Variants in STXBP4 observed in about 807,000 individuals in gnomAD.
STXBP4 encodes syntaxin-binding protein 4.
In STXBP4, 55 loss-of-function variants were observed where a neutral mutation model predicts 76.1. The ratio of observed to expected loss-of-function variants is 0.72; its 90% CI spans 0.58 to 0.91. The LOEUF is 0.91. STXBP4 is among the 40% of genes least tolerant of loss of function. STXBP4 has a pLI of 0.00. For missense variants in STXBP4, 618 were observed against 636.9 expected (o/e 0.97, Z 0.32); for synonymous variants, 201 against 220.2 (o/e 0.91, Z 0.77).
intron 13 of STXBP4, among the ~76,000 whole-genome samples, chr17:55,074,658 C>T (rs2079158903): frequency 6.6e-6 from 1 of 152,038 alleles, no homozygotes; most frequent in African/African-American, 2.4e-5. Context: ...TGTAATCTCT[C>T]TTCCAGCTCT....
Position 55,043,341 on chromosome 17 carries a change from GT to G in STXBP4, c.945+19del. On this transcript the variant is annotated intron_variant, in intron 11 of 17. Coordinates refer to ENST00000376352, the MANE Select transcript of STXBP4 (RefSeq NM_178509.6). ...TACACTTAAGGTAACCTCTAATTTA[GT>G]TTCCTTATGTTTTCTTCAGAAAAAA... The G allele has an allele frequency of 1.5e-6, 2 of 1,350,736 alleles. No individual in the cohort carries two copies. The highest frequency in any genetic ancestry group is 2.0e-6 in the Non-Finnish European group (2 of 1,006,924). The allele number at this position is 1,350,736 out of a possible 1,614,324, so 83.7% of individuals were successfully genotyped here.
chr17:54,991,428 C>T (rs2077715142), intron 4 of STXBP4: 1 of 152,100 alleles, frequency 6.6e-6, no homozygotes, highest in South Asian at 2.1e-4. Flanking sequence ...CTCATTAAAA[C>T]CAGAAAATGT....
At chr17:55,131,383 C>T (rs1004227345) in intron 16 of STXBP4, among the ~76,000 whole-genome samples, 1 of 152,198 alleles carries the variant, frequency 6.6e-6, no homozygotes, top group African/African-American at 2.4e-5. Flanking sequence ...AAGTGAATGA[C>T]ATCCCATAGG....
At chr17:55,102,676 G>T (rs2079581522) in intron 16 of STXBP4, among the ~76,000 whole-genome samples, 1 of 152,028 alleles carries the variant, frequency 6.6e-6, no homozygotes, top group Non-Finnish European at 1.5e-5. Context: ...GATATTTCTG[G>T]TTCTAGATCC....
chr17:55,188,520 T>C, the STXBP4 span, among the ~76,000 whole-genome samples: 2 of 152,158 alleles, frequency 1.3e-5, no homozygotes, highest in African/African-American at 4.8e-5. Flanking sequence ...CCTCTTTCTC[T>C]CCAGAGCACC....
At chr17:54,976,718 T>C (rs1248795144) in intron 1 of STXBP4, among the ~76,000 whole-genome samples, 47 of 152,268 alleles carry the variant, frequency 3.1e-4, no homozygotes, top group Admixed American at 3.1e-3. Flanking sequence ...AGAACCCTAT[T>C]ATGAATTAGG....
At chr17:54,994,741 C>T (rs1160393591) in intron 4 of STXBP4, among the ~76,000 whole-genome samples, 2 of 152,066 alleles carry the variant, frequency 1.3e-5, no homozygotes, top group African/African-American at 4.8e-5. Context: ...CCCTGTCCTT[C>T]TCTGCCTCTC....
At chr17:55,189,551 C>T in the STXBP4 span, among the ~76,000 whole-genome samples, 474 of 152,236 alleles carry the variant, frequency 3.1e-3, 5 homozygotes, top group African/African-American at 0.011. Context: ...ATCTCAGAGA[C>T]GAAGTGAGGC....
chr17:55,184,999 G>A, the STXBP4 span, among the ~76,000 whole-genome samples: 1 of 152,114 alleles, frequency 6.6e-6, no homozygotes, highest in African/African-American at 2.4e-5. Context: ...AGCCTCCTGA[G>A]TAGCTGGGAT....
chr17:55,126,805 G>GA (rs1242405098), intron 16 of STXBP4, among the ~76,000 whole-genome samples: 1 of 152,118 alleles, frequency 6.6e-6, no homozygotes, highest in African/African-American at 2.4e-5. Flanking sequence ...ACAGTATCTG[G>GA]AAAAGCAGAG....
At position 55,078,226 on chromosome 17, in the gene STXBP4, T is replaced by A. The variant is rs779220636; in HGVS notation, c.1305+32T>A. On this transcript the variant is annotated intron_variant, in intron 14 of 17. Coordinates refer to ENST00000376352, the MANE Select transcript of STXBP4 (RefSeq NM_178509.6). ...TTTTCTGTTCTATTACATTCATCTT[T>A]AAAAAATATATAGGCAACTGGCATA... is the stretch of plus-strand genomic sequence containing the variant. 8.0e-5 allele frequency: 111 copies of A among 1,391,322 alleles called. 2 individuals carry two copies. In the South Asian group the frequency reaches 1.3e-3, roughly 16 times the overall value. The allele number at this position is 1,391,322 out of a possible 1,614,324, so 86.2% of individuals were successfully genotyped here.
chr17:54,969,973 G>T (rs975887292), intron 1 of STXBP4, among the ~76,000 whole-genome samples: 1 of 152,226 alleles, frequency 6.6e-6, no homozygotes. Flanking sequence ...ATGAGAAGCG[G>T]TAGTAAAGTA....
chr17:54,994,482 A>G (rs1299091983), intron 4 of STXBP4, among the ~76,000 whole-genome samples: 1 of 152,184 alleles, frequency 6.6e-6, no homozygotes, highest in Non-Finnish European at 1.5e-5. Flanking sequence ...ACAGCTTCCT[A>G]TTTCAACTCC....
rs1304675158 is a variant in STXBP4 at position 55,164,662 on chromosome 17, C to G, written c.*4751C>G. ...AGAGACGGGGTTTCACCTTGTTAGC[C>G]AGGATGGTCTCGATCTCCTGACCTC... On this transcript the variant is annotated 3_prime_UTR_variant, in exon 18 of 18. Transcript: ENST00000376352. The G allele has an allele frequency of 2.0e-5, 3 of 150,748 alleles. No individual in the cohort carries two copies. In the East Asian group the frequency reaches 5.8e-4, roughly 29 times the overall value. 9.3% of individuals were successfully genotyped at this position (150,748 alleles called of 1,614,324 possible).
intron 4 of STXBP4, among the ~76,000 whole-genome samples, chr17:54,994,857 A>C (rs2077775285): frequency 6.7e-6 from 1 of 148,482 alleles, no homozygotes. Context: ...AGGAAACAGC[A>C]CTCCATTTCC....
chr17:55,059,527 A>T (rs2078970366), intron 12 of STXBP4, among the ~76,000 whole-genome samples: 1 of 152,126 alleles, frequency 6.6e-6, no homozygotes, highest in Non-Finnish European at 1.5e-5. Context: ...TTAAATTAAA[A>T]ATTTGGTTCC....
At chr17:55,050,829 A>C (rs1040604403) in intron 12 of STXBP4, among the ~76,000 whole-genome samples, 1 of 151,974 alleles carries the variant, frequency 6.6e-6, no homozygotes, top group Non-Finnish European at 1.5e-5. Flanking sequence ...CACCATGCCC[A>C]GCTAATTTTA....
At chr17:54,987,403 A>G (rs942052326) in intron 3 of STXBP4, among the ~76,000 whole-genome samples, 1 of 152,138 alleles carries the variant, frequency 6.6e-6, no homozygotes, top group African/African-American at 2.4e-5. Context: ...CACTCCCCAG[A>G]ATATTCTTAA....
chr17:55,145,867 A>G (rs1295388917), intron 17 of STXBP4, among the ~76,000 whole-genome samples: 1 of 152,130 alleles, frequency 6.6e-6, no homozygotes, highest in Non-Finnish European at 1.5e-5. Context: ...CATTCTAGGA[A>G]ATTTTTTCTT....
Sources: allele counts gnomAD v4.1 joint callset (sites outside exome capture counted in the v4.1 genomes callset), GRCh38; gene constraint gnomAD v4.1.1; transcripts MANE v1.5; gene names NCBI Gene and HGNC (gene_info 2026-07-23, HGNC 2026-07-21).